The following BRCC3 variants were observed in gnomAD, a reference collection of about 807,000 sequenced individuals.
The protein encoded by BRCC3 is lys-63-specific deubiquitinase BRCC36.
Under a neutral mutation model 28.0 loss-of-function variants are expected in BRCC3, and 15 were observed. That is an observed-to-expected ratio of 0.54 (90% CI 0.36 to 0.82). BRCC3 has a LOEUF of 0.82. BRCC3 is among the 40% of genes least tolerant of loss of function. The pLI, the probability that BRCC3 is intolerant of heterozygous loss-of-function variation, is 0.01. For missense variants in BRCC3, 109 were observed against 225.9 expected (o/e 0.48, Z 3.32); for synonymous variants, 66 against 80.3 (o/e 0.82, Z 0.95).
Position 155,116,701 on chromosome X carries a change from T to C in BRCC3, c.681-10T>C. On this transcript the variant is annotated splice_polypyrimidine_tract_variant and intron_variant, in intron 8 of 10. Transcript: ENST00000330045. ...GCTTTGCCACTAACCTAAACTATTT[T>C]ATTCTTTAGCCTTACACATCTGGAC... 1 of 1,167,315 alleles carries C rather than the reference T, an allele frequency of 8.6e-7. No individual in the cohort carries two copies.
At position 155,086,023 on chromosome X, in the gene BRCC3, G is replaced by C. The variant is rs781991915; in HGVS notation, c.404-3240G>C. Among the ~76,000 whole-genome samples, 77 of 111,635 alleles carry C rather than the reference G, an allele frequency of 6.9e-4. 1 individual carries two copies. The highest frequency in any genetic ancestry group is 2.3e-3 in the African/African-American group (71 of 30,695). On this transcript the variant is annotated intron_variant, in intron 5 of 10. Transcript: ENST00000330045. Reference sequence around the variant, plus strand: ...TGAGTTTTGGTAGCGGCCAGCCTGGGTCTGGGAGCAGAGTGATAGGACGTA... The same window carrying C: ...TGAGTTTTGGTAGCGGCCAGCCTGGCTCTGGGAGCAGAGTGATAGGACGTA...
chrX:155,091,870 G>C lies in BRCC3; in HGVS notation c.548+1031G>C, dbSNP rs186649904. ...GATATTTTGTTAAATGGAAATGCAG[G>C]GTAGAAGAACAGTAAGCTATGATTT... On this transcript the variant is annotated intron_variant, in intron 7 of 10. Transcript: ENST00000330045. 3.6e-5 allele frequency among the ~76,000 whole-genome samples: 4 copies of C among 110,346 alleles called. No homozygotes were observed. In the East Asian group the frequency reaches 1.1e-3, roughly 31 times the overall value.
chrX:155,090,695 C>T, intron 6 of BRCC3, 89 bp from the exon 7 acceptor site: 1 of 682,618 alleles, frequency 1.5e-6, no homozygotes, highest in Non-Finnish European at 2.3e-6. Flanking sequence ...TCTCTTTTAA[C>T]ATTCTGCTTC....
chrX:155,117,148 ACTT>A (rs2074361892), intron 9 of BRCC3, among the ~76,000 whole-genome samples: 1 of 111,598 alleles, frequency 9.0e-6, no homozygotes, highest in Non-Finnish European at 1.9e-5. Flanking sequence ...TAGCTTATAA[ACTT>A]CTTGGAATTT....
intron 3 of BRCC3, among the ~76,000 whole-genome samples, chrX:155,074,814 T>G (rs782747151): frequency 7.7e-4 from 87 of 112,291 alleles, no homozygotes; most frequent in Non-Finnish European, 1.3e-3. Flanking sequence ...AGCCTTTCTG[T>G]ATACTAATAT....
intron 5 of BRCC3, among the ~76,000 whole-genome samples, chrX:155,085,698 G>A (rs960847375): frequency 1.8e-5 from 2 of 112,272 alleles, no homozygotes; most frequent in Non-Finnish European, 3.8e-5. Context: ...TTAATTTCCG[G>A]TGAGGATAAT....
At chrX:155,089,529 C>A (rs1454083482) in intron 6 of BRCC3, among the ~76,000 whole-genome samples, 178 bp downstream of exon 6, 2 of 111,261 alleles carry the variant, frequency 1.8e-5, no homozygotes, top group Admixed American at 9.5e-5. Flanking sequence ...TTGTGGATTT[C>A]TTGGGGAAAG....
chrX:155,083,589 C>G (rs2074099171), intron 5 of BRCC3, among the ~76,000 whole-genome samples: 2 of 112,164 alleles, frequency 1.8e-5, no homozygotes, highest in African/African-American at 6.5e-5. Flanking sequence ...TTTCTTTCAA[C>G]AAATTTGAGT....
intron 8 of BRCC3, 50 bp downstream of exon 8, chrX:155,116,238 CTT>C (rs1179963353): frequency 9.1e-7 from 1 of 1,103,393 alleles, no homozygotes; most frequent in African/African-American, 1.9e-5. Context: ...CCTAGTCTCT[CTT>C]TTCTTCTTCT....
At position 155,096,822 on chromosome X, in the gene BRCC3, T is replaced by C. The variant is rs187898081; in HGVS notation, c.548+5983T>C. Among the ~76,000 whole-genome samples the C allele has an allele frequency of 4.1e-3, 456 of 111,928 alleles. 2 individuals are homozygous for C. Among genetic ancestry groups the C allele is most frequent in the Non-Finnish European group, 6.5e-3 (343 of 53,162 alleles). ...GCATAAAAATAGACACATAGACTAATAGGACAATAGAGAGCCCAGAAATAA... is the reference window on the plus strand; with the variant it reads ...GCATAAAAATAGACACATAGACTAACAGGACAATAGAGAGCCCAGAAATAA... On this transcript the variant is annotated intron_variant, in intron 7 of 10. Coordinates refer to ENST00000330045, the MANE Select transcript of BRCC3 (RefSeq NM_001018055.3).
chrX:155,075,753 T>C (rs2074035169), intron 3 of BRCC3, among the ~76,000 whole-genome samples: 1 of 112,338 alleles, frequency 8.9e-6, no homozygotes, highest in African/African-American at 3.2e-5. Context: ...TTATCTGAAA[T>C]AATTTTTTTT....
chrX:155,097,481 T>C (rs782426962), intron 7 of BRCC3, among the ~76,000 whole-genome samples: 2 of 111,298 alleles, frequency 1.8e-5, no homozygotes, highest in African/African-American at 6.5e-5. Context: ...AAGTCAAAGA[T>C]AGAAAACAGT....
chrX:155,102,816 G>T (rs782524890), intron 7 of BRCC3, among the ~76,000 whole-genome samples: 1 of 112,167 alleles, frequency 8.9e-6, no homozygotes, highest in African/African-American at 3.2e-5. Flanking sequence ...TTTGTCAAAT[G>T]GTTATCTCCT....
At chrX:155,094,494 C>A (rs1441245307) in intron 7 of BRCC3, among the ~76,000 whole-genome samples, 1 of 110,286 alleles carries the variant, frequency 9.1e-6, no homozygotes, top group Non-Finnish European at 1.9e-5. Context: ...GTAGGAGGAA[C>A]AAAAGGGGTC....
At chrX:155,084,181 C>T (rs1459092304) in intron 5 of BRCC3, among the ~76,000 whole-genome samples, 1 of 112,367 alleles carries the variant, frequency 8.9e-6, no homozygotes, top group African/African-American at 3.2e-5. Flanking sequence ...GATTTAAATG[C>T]TGCAGACTAT....
intron 3 of BRCC3, among the ~76,000 whole-genome samples, chrX:155,075,287 C>CCCCTGAAACTCTTGTACCA (rs2074025476): frequency 2.0e-5 from 1 of 50,112 alleles, no homozygotes; most frequent in African/African-American, 6.0e-4. Context: ...TAAGCCCACT[C>CCCCTGAAACTCTTGTACCA]TTTCCCCTGG....
At chrX:155,111,213 T>C (rs1557298100) in intron 7 of BRCC3, among the ~76,000 whole-genome samples, 1 of 111,560 alleles carries the variant, frequency 9.0e-6, no homozygotes, top group African/African-American at 3.3e-5. Context: ...ATTTTACAAC[T>C]GAAAAATATA....
At chrX:155,091,779 A>G (rs1164799501) in intron 7 of BRCC3, among the ~76,000 whole-genome samples, 1 of 110,199 alleles carries the variant, frequency 9.1e-6, no homozygotes, top group African/African-American at 3.3e-5. Context: ...ATATAATGGA[A>G]TAAAATGCAG....
At chrX:155,092,621 A>G (rs2074182133) in intron 7 of BRCC3, among the ~76,000 whole-genome samples, 1 of 110,495 alleles carries the variant, frequency 9.1e-6, no homozygotes, top group Non-Finnish European at 1.9e-5. Flanking sequence ...ATCATCTCCC[A>G]GAGCTCTACA....
Sources: gnomAD v4.1 joint callset for allele counts (sites outside exome capture counted in the v4.1 genomes callset) on GRCh38, gnomAD v4.1.1 for gene constraint, MANE v1.5 for transcripts, NCBI Gene and HGNC (gene_info 2026-07-23, HGNC 2026-07-21) for gene names.